The following IMMP2L variants were observed in gnomAD, a reference collection of about 807,000 sequenced individuals.
IMMP2L encodes inner mitochondrial membrane peptidase subunit 2.
Under a neutral mutation model 19.3 loss-of-function variants are expected in IMMP2L, and 18 were observed. The ratio of observed to expected loss-of-function variants is 0.93; its 90% CI spans 0.64 to 1.38. The LOEUF (loss-of-function observed/expected upper bound fraction) is 1.38, where lower values mean the gene tolerates loss of function less well. IMMP2L is among the 40% of genes most tolerant of loss of function. IMMP2L has a pLI of 0.00. For missense variants in IMMP2L, 233 were observed against 218.2 expected, an observed-to-expected ratio of 1.07 and a Z score of -0.43; for synonymous variants, 76 against 73.0, an observed-to-expected ratio of 1.04 and a Z score of -0.21.
chr7:110,935,118 T>A (rs1403604412), intron 4 of IMMP2L, among the ~76,000 whole-genome samples: 2 of 152,210 alleles, frequency 1.3e-5, no homozygotes, highest in Admixed American at 6.5e-5. Flanking sequence ...TTGTTATGTT[T>A]TTTCAGTGGC....
chr7:111,118,594 A>G (rs1800177281), intron 3 of IMMP2L, among the ~76,000 whole-genome samples: 1 of 152,090 alleles, frequency 6.6e-6, no homozygotes, highest in Non-Finnish European at 1.5e-5. Context: ...TCACCAACCT[A>G]TCTCACAAGT....
intron 5 of IMMP2L, among the ~76,000 whole-genome samples, chr7:110,723,157 C>T (rs1022152599): frequency 1.3e-5 from 2 of 152,158 alleles, no homozygotes; most frequent in Non-Finnish European, 1.5e-5. Flanking sequence ...AAGCTATAGT[C>T]TAAAACTTTG....
chr7:111,487,698 CCA>C (rs1842771132), intron 2 of IMMP2L, among the ~76,000 whole-genome samples: 1 of 152,050 alleles, frequency 6.6e-6, no homozygotes, highest in African/African-American at 2.4e-5. Flanking sequence ...GGATCTAATT[CCA>C]CAGTAGTACA....
chr7:111,159,443 T>C (rs1805012077), intron 3 of IMMP2L, among the ~76,000 whole-genome samples: 1 of 151,810 alleles, frequency 6.6e-6, no homozygotes, highest in Admixed American at 6.6e-5. Context: ...GTTTATACTT[T>C]AAAACATTTA....
At chr7:111,235,364 G>A (rs550243314) in intron 3 of IMMP2L, among the ~76,000 whole-genome samples, 4 of 151,888 alleles carry the variant, frequency 2.6e-5, no homozygotes, top group Admixed American at 2.0e-4. Context: ...CCCGCTACTC[G>A]GGAGGCTGAG....
At chr7:111,166,698 G>T (rs1164502782) in intron 3 of IMMP2L, among the ~76,000 whole-genome samples, 1 of 152,092 alleles carries the variant, frequency 6.6e-6, no homozygotes, top group East Asian at 1.9e-4. Flanking sequence ...GTGTCATCGG[G>T]CTACATTTCC....
intron 3 of IMMP2L, among the ~76,000 whole-genome samples, chr7:110,999,733 G>A (rs983480132): frequency 6.6e-6 from 1 of 152,060 alleles, no homozygotes; most frequent in Non-Finnish European, 1.5e-5. Context: ...CATAGGCCTG[G>A]CAATCACTGG....
chr7:111,230,833 A>C (rs1038258698), intron 3 of IMMP2L, among the ~76,000 whole-genome samples: 3 of 152,016 alleles, frequency 2.0e-5, no homozygotes, highest in African/African-American at 7.2e-5. Context: ...CAGATATGGG[A>C]ATATTTGTAA....
intron 3 of IMMP2L, among the ~76,000 whole-genome samples, chr7:111,147,500 G>A (rs1803608680): frequency 6.6e-6 from 1 of 152,070 alleles, no homozygotes; most frequent in Non-Finnish European, 1.5e-5. Flanking sequence ...ACACCTGTTG[G>A]CAATATCTCT....
intron 3 of IMMP2L, among the ~76,000 whole-genome samples, chr7:111,468,784 A>C (rs942842911): frequency 6.6e-6 from 1 of 152,180 alleles, no homozygotes; most frequent in Non-Finnish European, 1.5e-5. Flanking sequence ...TTTTTCAGGT[A>C]GACCCAAAAA....
At chr7:111,497,366 C>G (rs975084252) in intron 2 of IMMP2L, among the ~76,000 whole-genome samples, 3 of 152,038 alleles carry the variant, frequency 2.0e-5, no homozygotes, top group African/African-American at 7.2e-5. Context: ...TAGTGAATAG[C>G]TTCTTAGTCT....
At chr7:110,808,005 T>C (rs936324435) in intron 5 of IMMP2L, among the ~76,000 whole-genome samples, 2 of 152,054 alleles carry the variant, frequency 1.3e-5, no homozygotes, top group Non-Finnish European at 2.9e-5. Context: ...TTTGCTAAAA[T>C]ATTCTCAAAG....
intron 4 of IMMP2L, among the ~76,000 whole-genome samples, chr7:110,926,955 C>T (rs963918696): frequency 6.6e-6 from 1 of 152,120 alleles, no homozygotes; most frequent in African/African-American, 2.4e-5. Flanking sequence ...AGTTCTTTGA[C>T]CCTCTTTCAA....
At chr7:110,682,520 A>T (rs992908839) in intron 5 of IMMP2L, among the ~76,000 whole-genome samples, 2 of 152,152 alleles carry the variant, frequency 1.3e-5, no homozygotes, top group African/African-American at 4.8e-5. Flanking sequence ...GATTGGACAC[A>T]ACTCAGCAAC....
At chr7:111,336,421 T>C (rs1052191314) in intron 3 of IMMP2L, among the ~76,000 whole-genome samples, 1 of 152,060 alleles carries the variant, frequency 6.6e-6, no homozygotes, top group African/African-American at 2.4e-5. Flanking sequence ...TAGATACTTT[T>C]AGTTATGATG....
chr7:111,442,628 T>G (rs1225646623), intron 3 of IMMP2L, among the ~76,000 whole-genome samples: 1 of 151,746 alleles, frequency 6.6e-6, no homozygotes, highest in Admixed American at 6.6e-5. Flanking sequence ...AACCGCAATA[T>G]GTCTGTATAG....
chr7:111,450,689 C>A lies in IMMP2L; in HGVS notation c.239+36549G>T, dbSNP rs868306126. 2.1e-3 allele frequency among the ~76,000 whole-genome samples: 311 copies of A among 150,492 alleles called. 2 individuals are homozygous for A. The highest frequency in any genetic ancestry group is 6.4e-3 in the African/African-American group (259 of 40,738). On this transcript the variant is annotated intron_variant, in intron 3 of 5. Coordinates refer to ENST00000405709, the MANE Select transcript of IMMP2L (RefSeq NM_032549.4). ...CCAAAACACCAAAAGCAATGGCAACCAAAGCCAAAATTGACAAATGGGATC... is the reference window on the plus strand; with the variant it reads ...CCAAAACACCAAAAGCAATGGCAACAAAAGCCAAAATTGACAAATGGGATC...
At position 111,359,230 on chromosome 7, in the gene IMMP2L, T is replaced by C. The variant is rs533018452; in HGVS notation, c.239+128008A>G. On this transcript the variant is annotated intron_variant, in intron 3 of 5. Coordinates refer to ENST00000405709, the MANE Select transcript of IMMP2L (RefSeq NM_032549.4). ...AACGTAGATCTGAATGTCCAAACTC[T>C]ACTTTCATGAAAACAAAAGCTAGGG... Among the ~76,000 whole-genome samples the C allele has an allele frequency of 5.9e-5, 9 of 152,240 alleles. No homozygotes were observed. The South Asian group carries it at 1.5e-3, about 25-fold the overall frequency.
At position 110,874,340 on chromosome 7, in the gene IMMP2L, C is replaced by A. The variant is rs1273504318; in HGVS notation, c.408+12253G>T. Among the ~76,000 whole-genome samples, 4 of 151,974 alleles carry A rather than the reference C, an allele frequency of 2.6e-5. No individual in the cohort carries two copies. In the East Asian group the frequency reaches 7.7e-4, roughly 29 times the overall value. Reference sequence around the variant, plus strand: ...TACACAAGTATATCCTACTTAAATTCTTTCCATAATGGGGCATCCTCTTCA... The same window carrying A: ...TACACAAGTATATCCTACTTAAATTATTTCCATAATGGGGCATCCTCTTCA... On this transcript the variant is annotated intron_variant, in intron 5 of 5. Transcript: ENST00000405709.
Sources: gnomAD v4.1 joint callset for allele counts (sites outside exome capture counted in the v4.1 genomes callset) on GRCh38, gnomAD v4.1.1 for gene constraint, MANE v1.5 for transcripts, NCBI Gene and HGNC (gene_info 2026-07-23, HGNC 2026-07-21) for gene names.